The following PTPRQ variants were observed in gnomAD, a reference collection of about 807,000 sequenced individuals.
PTPRQ encodes protein tyrosine phosphatase receptor type Q.
In PTPRQ, 199 loss-of-function variants were observed where a neutral mutation model predicts 246.0. That is an observed-to-expected ratio of 0.81 (90% confidence interval 0.72 to 0.91). The LOEUF (loss-of-function observed/expected upper bound fraction) is 0.91. Among genes scored for constraint, PTPRQ ranks in the 40% least tolerant of loss-of-function variants. The pLI, the probability that PTPRQ is intolerant of heterozygous loss-of-function variation, is 0.00. For synonymous variants in PTPRQ, 869 were observed against 853.2 expected, an observed-to-expected ratio of 1.02 and a Z score of -0.32; for missense variants, 2,624 against 2,528.4, an observed-to-expected ratio of 1.04 and a Z score of -0.81.
intron 17 of PTPRQ, among the ~76,000 whole-genome samples, chr12:80,511,962 G>A (rs1463211735): frequency 6.6e-6 from 1 of 152,236 alleles, no homozygotes; most frequent in Non-Finnish European, 1.5e-5. Context: ...AGGGACAAAA[G>A]TGTTAGCAGG....
chr12:80,476,628 A>C (rs1459447981), intron 8 of PTPRQ, among the ~76,000 whole-genome samples: 1 of 152,198 alleles, frequency 6.6e-6, no homozygotes, highest in Non-Finnish European at 1.5e-5. Context: ...CATATATGGG[A>C]GTTATAAAAT....
At chr12:80,457,123 T>C (rs181482000) in intron 3 of PTPRQ, among the ~76,000 whole-genome samples, 168 of 152,254 alleles carry the variant, frequency 1.1e-3, no homozygotes, top group African/African-American at 3.8e-3. Flanking sequence ...TTAAATGTAC[T>C]TATCTAATTT....
At chr12:80,525,059 T>C (rs1167472880) in intron 17 of PTPRQ, among the ~76,000 whole-genome samples, 1 of 152,212 alleles carries the variant, frequency 6.6e-6, no homozygotes, top group African/African-American at 2.4e-5. Context: ...AATATTGGTC[T>C]GTGTTCATTG....
Position 80,495,999 on chromosome 12 carries a change from G to A in PTPRQ, c.1883G>A (p.Gly628Glu). Residue 628 changes from glycine to glutamate, a missense_variant and splice_region_variant, in exon 13 of 45, where the codon GGG (glycine) becomes GAG (glutamate). Coordinates refer to ENST00000644991, the MANE Select transcript of PTPRQ (RefSeq NM_001145026.2). ...TTIDNSFLIT[G>E]LKKYTKYKMR... is the part of the protein sequence containing the mutation. ...AACAGTTTGTCTCTTGTCCTTATAGGGTTAAAGAAATACACAAAATACAAA... is the reference window on the plus strand; with the variant it reads ...AACAGTTTGTCTCTTGTCCTTATAGAGTTAAAGAAATACACAAAATACAAA... The A allele has an allele frequency of 6.5e-7, 1 of 1,549,126 alleles. No individual in the cohort carries two copies. The highest frequency in any genetic ancestry group is 8.7e-7 in the Non-Finnish European group (1 of 1,145,818).
chr12:80,667,589 A>C (rs1445459856), intron 39 of PTPRQ, among the ~76,000 whole-genome samples: 1 of 151,892 alleles, frequency 6.6e-6, no homozygotes, highest in Non-Finnish European at 1.5e-5. Flanking sequence ...GTCTTTGGTC[A>C]GTGATGAACC....
At chr12:80,616,679 T>C (rs1368554587) in intron 30 of PTPRQ, among the ~76,000 whole-genome samples, 1 of 151,140 alleles carries the variant, frequency 6.6e-6, no homozygotes, top group African/African-American at 2.4e-5. Context: ...ATTCTTTCAG[T>C]TAATTAAATA....
At chr12:80,506,795 A>G in intron 16 of PTPRQ, 125 bp downstream of exon 16, 1 of 667,644 alleles carries the variant, frequency 1.5e-6, no homozygotes, top group Non-Finnish European at 2.3e-6. Context: ...TACCAGCGTT[A>G]TACAGAGATT....
At chr12:80,632,970 A>G (rs898063017) in intron 34 of PTPRQ, among the ~76,000 whole-genome samples, 1 of 152,152 alleles carries the variant, frequency 6.6e-6, no homozygotes, top group African/African-American at 2.4e-5. Flanking sequence ...CTCACAATGA[A>G]TAACAATAAT....
intron 17 of PTPRQ, among the ~76,000 whole-genome samples, chr12:80,517,724 T>C (rs117426997): frequency 0.027 from 4,127 of 152,204 alleles, 85 homozygotes; most frequent in Admixed American, 0.054. Flanking sequence ...TGTTTTGATA[T>C]TTAGCATCCA....
chr12:80,496,683 A>G (rs1894635796), intron 14 of PTPRQ, among the ~76,000 whole-genome samples, 152 bp downstream of exon 14: 1 of 152,016 alleles, frequency 6.6e-6, no homozygotes, highest in Non-Finnish European at 1.5e-5. Context: ...TTTCAGGCAA[A>G]AGTGCAGGAA....
intron 25 of PTPRQ, among the ~76,000 whole-genome samples, chr12:80,566,016 A>T (rs994802277): frequency 2.0e-5 from 3 of 152,226 alleles, no homozygotes; most frequent in African/African-American, 4.8e-5. Flanking sequence ...TTGAATTTTC[A>T]CTACCTACTC....
intron 26 of PTPRQ, among the ~76,000 whole-genome samples, chr12:80,599,653 T>A (rs1391056968): frequency 1.3e-5 from 2 of 151,718 alleles, no homozygotes; most frequent in African/African-American, 4.8e-5. Context: ...TGGGATTTTG[T>A]TAAATTTCAT....
At chr12:80,664,755 T>C (rs558209538) in intron 39 of PTPRQ, among the ~76,000 whole-genome samples, 7 of 151,980 alleles carry the variant, frequency 4.6e-5, no homozygotes, top group Non-Finnish European at 1.0e-4. Flanking sequence ...AGGTCATCAA[T>C]TAACTACTCA....
rs571506177 is a variant in PTPRQ at position 80,446,489 on chromosome 12, T to C, written c.390+772T>C. On this transcript the variant is annotated intron_variant, in intron 3 of 44. Transcript: ENST00000644991. ...CATGTGTGCAGGTTTGTTACGTGGG[T>C]ATATTGTGTAATGGTGGGGTTTGGG... is the stretch of plus-strand genomic sequence containing the variant. 3.0e-4 allele frequency among the ~76,000 whole-genome samples: 45 copies of C among 151,952 alleles called. No homozygotes were observed. In the South Asian group the frequency reaches 7.9e-3, roughly 27 times the overall value.
At position 80,651,517 on chromosome 12, in the gene PTPRQ, A is replaced by G. The variant is rs191296961; in HGVS notation, c.6025-1227A>G. ...GTCTAACTCATCTGTGGTCCCACTG[A>G]AAAGAGAGAAAGCAATAGGAGAAAG... On this transcript the variant is annotated intron_variant, in intron 37 of 44. Transcript: ENST00000644991. Among the ~76,000 whole-genome samples the G allele has an allele frequency of 3.3e-3, 509 of 152,168 alleles. 1 individual carries two copies. The highest frequency in any genetic ancestry group is 0.012 in the African/African-American group (488 of 41,548).
intron 43 of PTPRQ, among the ~76,000 whole-genome samples, chr12:80,675,416 T>C (rs1262611693): frequency 6.6e-6 from 1 of 152,214 alleles, no homozygotes; most frequent in Non-Finnish European, 1.5e-5. Flanking sequence ...TAAAATTCAA[T>C]TTCCTTCTCA....
At chr12:80,658,361 T>C (rs1165030508) in intron 39 of PTPRQ, among the ~76,000 whole-genome samples, 1 of 152,090 alleles carries the variant, frequency 6.6e-6, no homozygotes, top group African/African-American at 2.4e-5. Flanking sequence ...CCATATGCAA[T>C]GAAGTTTGCC....
intron 3 of PTPRQ, chr12:80,454,579 G>A (rs4499068): frequency 0.037 from 26,134 of 701,910 alleles, 1,621 homozygotes; most frequent in East Asian, 0.23. Context: ...ACTTTTCTCC[G>A]TTTAGGATTA....
At chr12:80,478,896 C>A (rs974824455) in intron 8 of PTPRQ, among the ~76,000 whole-genome samples, 3 of 152,298 alleles carry the variant, frequency 2.0e-5, no homozygotes, top group East Asian at 1.9e-4. Context: ...AAATCTACGT[C>A]TGATTGGTGT....
Sources: gnomAD v4.1 joint callset for allele counts (sites outside exome capture counted in the v4.1 genomes callset) on GRCh38, gnomAD v4.1.1 for gene constraint, MANE v1.5 for transcripts, NCBI Gene and HGNC (gene_info 2026-07-23, HGNC 2026-07-21) for gene names.